ELF1: variants seen among roughly 807,000 people sequenced by gnomAD.
The protein encoded by ELF1 is E74 like ETS transcription factor 1, also known as ETS-related transcription factor Elf-1.
Under a neutral mutation model 59.9 loss-of-function variants are expected in ELF1, and 24 were observed. The ratio of observed to expected loss-of-function variants is 0.40; its 90% CI spans 0.29 to 0.56. The LOEUF (loss-of-function observed/expected upper bound fraction) is 0.56. Ranked by LOEUF, ELF1 falls within the 20% of genes least tolerant of loss-of-function variation. ELF1 has a pLI of 0.44. For missense variants in ELF1, 627 were observed against 742.2 expected (o/e 0.84, Z 1.80); for synonymous variants, 248 against 266.2 (o/e 0.93, Z 0.67).
intron 2 of ELF1, among the ~76,000 whole-genome samples, chr13:40,974,606 A>G (rs1280723005): frequency 2.0e-5 from 3 of 152,098 alleles, no homozygotes; most frequent in African/African-American, 7.2e-5. Flanking sequence ...AAAATTCACC[A>G]CTGAAAGTTT....
At position 41,041,533 on chromosome 13, in the gene ELF1, G is replaced by A. The variant is rs1485954546; in HGVS notation, c.-229+19305C>T. 4.6e-5 allele frequency among the ~76,000 whole-genome samples: 7 copies of A among 152,150 alleles called. No homozygotes were observed. In the South Asian group the frequency reaches 1.5e-3, roughly 32 times the overall value. On this transcript the variant is annotated intron_variant, in intron 1 of 1. Transcript: ENST00000405737. ...ACAAACAACACAGAAAGATTAGCCG[G>A]GTGTGGTGACGCGCACCTGTAGTCC... is the stretch of plus-strand genomic sequence containing the variant.
intron 2 of ELF1, among the ~76,000 whole-genome samples, chr13:40,971,122 C>G (rs1022376232): frequency 1.2e-4 from 18 of 152,118 alleles, no homozygotes; most frequent in African/African-American, 4.1e-4. Context: ...AGATAAACTA[C>G]TTAGAATTTA....
intron 1 of ELF1, among the ~76,000 whole-genome samples, chr13:41,001,999 GA>G (rs747894781): frequency 3.3e-5 from 5 of 152,276 alleles, no homozygotes; most frequent in African/African-American, 1.2e-4. Context: ...ACTGGACACA[GA>G]GAATGTGACG....
At chr13:40,965,794 A>G (rs1454761037) in intron 2 of ELF1, among the ~76,000 whole-genome samples, 2 of 152,236 alleles carry the variant, frequency 1.3e-5, no homozygotes, top group Admixed American at 6.5e-5. Context: ...TTTTATTTGC[A>G]TCATGAAATC....
chr13:40,933,220 C>T lies in ELF1; in HGVS notation c.*205G>A. ...TCTTCATAGTGTAAAATGCCTGTTC[C>T]TTCACGATTGAATTCTGAAACATTT... On this transcript the variant is annotated 3_prime_UTR_variant, in exon 9 of 9. Transcript: ENST00000239882. 1.6e-6 allele frequency: 1 copy of T among 620,486 alleles called. No homozygotes were observed. 38.4% of individuals were successfully genotyped at this position (620,486 alleles called of 1,614,324 possible). A position where few individuals can be genotyped will look rare whatever the true frequency, so the allele number is the denominator to read the frequency against.
At chr13:40,971,549 CCA>C (rs2138235913) in intron 2 of ELF1, among the ~76,000 whole-genome samples, 1 of 152,338 alleles carries the variant, frequency 6.6e-6, no homozygotes, top group South Asian at 2.1e-4. Context: ...CTGCGTCTGG[CCA>C]GTATTTGAGT....
At chr13:41,045,485 T>G (rs1024944437) in intron 1 of ELF1, among the ~76,000 whole-genome samples, 6 of 152,228 alleles carry the variant, frequency 3.9e-5, no homozygotes, top group Non-Finnish European at 5.9e-5. Context: ...TTCTGGTATG[T>G]TGTGTCTTTG....
upstream of ELF1, among the ~76,000 whole-genome samples, chr13:41,020,682 T>C (rs1875651963): frequency 2.0e-5 from 3 of 152,226 alleles, no homozygotes; most frequent in African/African-American, 4.8e-5. Context: ...TCCTGTCAAA[T>C]GTCATATTTA....
At chr13:41,034,929 A>G (rs1876313639) in intron 1 of ELF1, among the ~76,000 whole-genome samples, 1 of 152,076 alleles carries the variant, frequency 6.6e-6, no homozygotes, top group South Asian at 2.1e-4. Context: ...CATATACTCT[A>G]CATCTGAACT....
chr13:40,939,907 T>C (rs145293206), intron 8 of ELF1, among the ~76,000 whole-genome samples: 1 of 152,292 alleles, frequency 6.6e-6, no homozygotes, highest in African/African-American at 2.4e-5. Flanking sequence ...CAATTAAAAA[T>C]GTAAAGGTCA....
chr13:41,022,484 G>A (rs547336604), upstream of ELF1, among the ~76,000 whole-genome samples: 1 of 152,134 alleles, frequency 6.6e-6, no homozygotes, highest in African/African-American at 2.4e-5. Context: ...CTGTGGTACC[G>A]GTATATGACT....
intron 1 of ELF1, among the ~76,000 whole-genome samples, chr13:41,016,360 C>A (rs1875360010): frequency 6.6e-6 from 1 of 151,906 alleles, no homozygotes; most frequent in Non-Finnish European, 1.5e-5. Context: ...TCCAACCACC[C>A]CAATAAAACA....
chr13:40,993,217 G>A, intron 1 of ELF1: 2 of 1,557,324 alleles, frequency 1.3e-6, no homozygotes, highest in Non-Finnish European at 1.8e-6. Context: ...AGTGAGGCAG[G>A]AGCAGCTGCA....
intron 1 of ELF1, among the ~76,000 whole-genome samples, chr13:41,000,503 G>A (rs1240400225): frequency 6.6e-6 from 1 of 151,798 alleles, no homozygotes; most frequent in Non-Finnish European, 1.5e-5. Flanking sequence ...TTACAGGCGT[G>A]AGCCACCACA....
intron 2 of ELF1, among the ~76,000 whole-genome samples, chr13:40,966,632 A>G (rs993567195): frequency 3.3e-5 from 5 of 152,212 alleles, no homozygotes; most frequent in Non-Finnish European, 7.3e-5. Context: ...GAAACCATGA[A>G]TCATTATTCC....
chr13:41,005,221 G>C (rs1874670923), intron 1 of ELF1, among the ~76,000 whole-genome samples: 1 of 151,850 alleles, frequency 6.6e-6, no homozygotes, highest in Admixed American at 6.6e-5. Context: ...TTTGGTCTTG[G>C]GATCTAAGAT....
chr13:40,962,011 T>G (rs931194247), intron 2 of ELF1, among the ~76,000 whole-genome samples: 2 of 152,220 alleles, frequency 1.3e-5, no homozygotes, highest in African/African-American at 4.8e-5. Flanking sequence ...AATTTTTGAG[T>G]CTATACAGTT....
At chr13:40,979,348 A>G (rs1202483676) in intron 2 of ELF1, among the ~76,000 whole-genome samples, 1 of 152,176 alleles carries the variant, frequency 6.6e-6, no homozygotes, top group Non-Finnish European at 1.5e-5. Flanking sequence ...CTTAGGTTCT[A>G]TTATTTTCAT....
intron 2 of ELF1, among the ~76,000 whole-genome samples, chr13:40,961,319 A>C (rs1487752647): frequency 6.6e-6 from 1 of 152,194 alleles, no homozygotes; most frequent in Non-Finnish European, 1.5e-5. Flanking sequence ...AGAAAAGAGG[A>C]AGCTAGCTAG....
Sources: gnomAD v4.1 joint callset for allele counts (sites outside exome capture counted in the v4.1 genomes callset) on GRCh38, gnomAD v4.1.1 for gene constraint, MANE v1.5 for transcripts, NCBI Gene and HGNC (gene_info 2026-07-23, HGNC 2026-07-21) for gene names.